The following CA13 variants were observed in gnomAD, a reference collection of about 807,000 sequenced individuals.
CA13 encodes the protein carbonic anhydrase 13.
CA13 carries 21 observed loss-of-function variants against 31.5 expected under a neutral mutation model. The observed-to-expected ratio is 0.67, with a 90% confidence interval of 0.47 to 0.96. The LOEUF (loss-of-function observed/expected upper bound fraction) is 0.96. CA13 is among the 40% of genes least tolerant of loss of function. CA13 has a pLI of 0.00. For synonymous variants in CA13, 117 were observed against 111.4 expected (o/e 1.05, Z -0.32); for missense variants, 315 against 318.9 (o/e 0.99, Z 0.09).
At chr8:85,277,321 A>G (rs1807627055) in intron 6 of CA13, among the ~76,000 whole-genome samples, 1 of 152,092 alleles carries the variant, frequency 6.6e-6, no homozygotes, top group Non-Finnish European at 1.5e-5. Flanking sequence ...GGAGGAGCGA[A>G]CAACTCCAGA....
chr8:85,268,417 G>T, intron 5 of CA13, 55 bp from the exon 6 acceptor site: 3 of 1,503,346 alleles, frequency 2.0e-6, no homozygotes, highest in Non-Finnish European at 2.8e-6. Flanking sequence ...TGTTTTTTGA[G>T]GTCTATGTAG....
chr8:85,266,738 C>A, intron 4 of CA13, 35 bp downstream of exon 4: 2 of 1,522,878 alleles, frequency 1.3e-6, no homozygotes, highest in Non-Finnish European at 1.8e-6. Context: ...AAATGATCAG[C>A]CTTGTTGAAG....
At chr8:85,255,821 T>C (rs1017773613) in intron 2 of CA13, among the ~76,000 whole-genome samples, 1 of 152,216 alleles carries the variant, frequency 6.6e-6, no homozygotes, top group South Asian at 2.1e-4. Context: ...TTTGGGAACC[T>C]CACCTGAGGC....
chr8:85,277,955 G>A (rs947498668), intron 6 of CA13, among the ~76,000 whole-genome samples: 4 of 152,076 alleles, frequency 2.6e-5, no homozygotes, highest in Non-Finnish European at 5.9e-5. Flanking sequence ...GCCTGAGGAG[G>A]GAGGAAGTTA....
chr8:85,257,184 C>CTTTA (rs751341510), intron 2 of CA13, among the ~76,000 whole-genome samples: 8 of 152,248 alleles, frequency 5.3e-5, no homozygotes, highest in East Asian at 1.9e-4. Context: ...TGGAAGAGTG[C>CTTTA]TTTAACAGGT....
In CA13 at chr8:85,283,608, A is replaced by G. The variant is rs771123294; in HGVS notation, c.*2259A>G. On this transcript the variant is annotated 3_prime_UTR_variant, in exon 7 of 7. Coordinates refer to ENST00000321764, the MANE Select transcript of CA13 (RefSeq NM_198584.3). ...AAAGTTCTAATGGTTTTTAAAAACC[A>G]GTGTTGAGTGGAAAAGTGTTTCTTT... is the stretch of plus-strand genomic sequence containing the variant. The G allele has an allele frequency of 1.3e-5, 2 of 152,646 alleles. No homozygotes were observed. The highest frequency in any genetic ancestry group is 2.9e-5 in the Non-Finnish European group (2 of 68,030). The allele number at this position is 152,646 out of a possible 1,614,324, so 9.5% of individuals were successfully genotyped here.
At chr8:85,247,763 G>A (rs1043883817) in intron 1 of CA13, among the ~76,000 whole-genome samples, 8 of 152,124 alleles carry the variant, frequency 5.3e-5, no homozygotes, top group African/African-American at 1.9e-4. Flanking sequence ...TAGAGACAAG[G>A]TTTCGTCATG....
chr8:85,259,279 T>C, intron 2 of CA13, 142 bp from the exon 3 acceptor site: 1 of 660,686 alleles, frequency 1.5e-6, no homozygotes, highest in East Asian at 2.6e-5. Flanking sequence ...GTGGTATTCT[T>C]GTCAGCAAAG....
intron 6 of CA13, among the ~76,000 whole-genome samples, chr8:85,274,447 C>G (rs1450864693): frequency 1.3e-5 from 2 of 152,066 alleles, no homozygotes; most frequent in Non-Finnish European, 2.9e-5. Flanking sequence ...AACCACCCTC[C>G]TAGAAGGTTT....
chr8:85,251,021 GAGAC>G, intron 2 of CA13, 84 bp downstream of exon 2: 1 of 887,774 alleles, frequency 1.1e-6, no homozygotes, highest in Non-Finnish European at 1.6e-6. Flanking sequence ...TTTTTTTTTT[GAGAC>G]AGAGTCTCGC....
chr8:85,270,877 T>C (rs1441453841), intron 6 of CA13, among the ~76,000 whole-genome samples: 1 of 152,212 alleles, frequency 6.6e-6, no homozygotes, highest in Non-Finnish European at 1.5e-5. Context: ...GAGGATTCAC[T>C]ACTTTGTCTT....
chr8:85,262,531 T>C (rs1448590237), intron 3 of CA13, among the ~76,000 whole-genome samples: 1 of 152,050 alleles, frequency 6.6e-6, no homozygotes, highest in Non-Finnish European at 1.5e-5. Context: ...GGGAGAGTTG[T>C]CAGAGGCAAA....
chr8:85,276,798 ACT>A (rs1158254125), intron 6 of CA13, among the ~76,000 whole-genome samples: 1 of 151,600 alleles, frequency 6.6e-6, no homozygotes, highest in Non-Finnish European at 1.5e-5. Flanking sequence ...ACCAGTCGAC[ACT>A]CTGTATCTAG....
chr8:85,281,015 A>T (rs1013744665), intron 6 of CA13, among the ~76,000 whole-genome samples: 10 of 152,116 alleles, frequency 6.6e-5, no homozygotes, highest in Non-Finnish European at 1.5e-4. Context: ...TCTCAAATTA[A>T]AAATGCTTAT....
Position 85,256,611 on chromosome 8 carries a change from C to T in CA13, c.236-2810C>T, listed in dbSNP as rs551807441. ...AACAGAAAAAGATTTAGTAGGTGGACATACCATAGGTGTATAATCCCCCCA... is the reference window on the plus strand; with the variant it reads ...AACAGAAAAAGATTTAGTAGGTGGATATACCATAGGTGTATAATCCCCCCA... On this transcript the variant is annotated intron_variant, in intron 2 of 6. Coordinates refer to ENST00000321764, the MANE Select transcript of CA13 (RefSeq NM_198584.3). 4.3e-3 allele frequency among the ~76,000 whole-genome samples: 649 copies of T among 152,252 alleles called. 3 individuals are homozygous for T. The highest frequency in any genetic ancestry group is 6.2e-3 in the Non-Finnish European group (421 of 68,012).
At chr8:85,259,588 AT>A in intron 3 of CA13, 49 bp downstream of exon 3, 1 of 1,461,820 alleles carries the variant, frequency 6.8e-7, no homozygotes, top group African/African-American at 1.4e-5. Flanking sequence ...ACATGGTGGA[AT>A]TTAAGGGGTA....
intron 6 of CA13, among the ~76,000 whole-genome samples, chr8:85,272,024 C>T (rs775172190): frequency 6.6e-6 from 1 of 152,032 alleles, no homozygotes; most frequent in Non-Finnish European, 1.5e-5. Context: ...GCCCATATTG[C>T]GCCGCTGTAC....
rs1484992617 is a variant in CA13 at position 85,266,602 on chromosome 8, T to C, written c.355-6T>C. ...ATTCCTACTATGTTGTATATCTCCC[T>C]TTCAGCTCCATGTTGTTCACTGGAA... On this transcript the variant is annotated splice_region_variant and splice_polypyrimidine_tract_variant and intron_variant, in intron 3 of 6. Coordinates refer to ENST00000321764, the MANE Select transcript of CA13 (RefSeq NM_198584.3). 12 of 1,610,620 alleles carry C rather than the reference T, an allele frequency of 7.5e-6. No individual in the cohort carries two copies. Among genetic ancestry groups the C allele is most frequent in the Non-Finnish European group, 1.0e-5 (12 of 1,177,404 alleles).
chr8:85,282,488 C>T lies in CA13; in HGVS notation c.*1139C>T, dbSNP rs1164182904. On this transcript the variant is annotated 3_prime_UTR_variant, in exon 7 of 7. Coordinates refer to ENST00000321764, the MANE Select transcript of CA13 (RefSeq NM_198584.3). ...CCTTAGGCATGATGAACATGTGGCCCGTTTTTGCCTGGTGTTTTGGCAGCA... is the reference window on the plus strand; with the variant it reads ...CCTTAGGCATGATGAACATGTGGCCTGTTTTTGCCTGGTGTTTTGGCAGCA... 1.3e-5 allele frequency: 2 copies of T among 152,378 alleles called. No homozygotes were observed. Among genetic ancestry groups the T allele is most frequent in the Non-Finnish European group, 2.9e-5 (2 of 68,030 alleles). 9.4% of individuals were successfully genotyped at this position (152,378 alleles called of 1,614,324 possible). A position where few individuals can be genotyped will look rare whatever the true frequency, so the allele number is the denominator to read the frequency against.
Sources: gnomAD v4.1 joint callset for allele counts (sites outside exome capture counted in the v4.1 genomes callset) on GRCh38, gnomAD v4.1.1 for gene constraint, MANE v1.5 for transcripts, NCBI Gene and HGNC (gene_info 2026-07-23, HGNC 2026-07-21) for gene names.